BEND6: variants seen among roughly 807,000 people sequenced by gnomAD.
BEND6 encodes the protein BEN domain-containing protein 6.
Under a neutral mutation model 31.8 loss-of-function variants are expected in BEND6, and 24 were observed. The ratio of observed to expected loss-of-function variants is 0.75; its 90% confidence interval spans 0.55 to 1.06. The LOEUF (loss-of-function observed/expected upper bound fraction) is 1.06. Among genes scored for constraint, BEND6 ranks in the 50% least tolerant of loss-of-function variants. The pLI is 0.00. For missense variants in BEND6, 294 were observed against 327.4 expected (o/e 0.90, Z 0.79); for synonymous variants, 109 against 114.6 (o/e 0.95, Z 0.31).
intron 6 of BEND6, among the ~76,000 whole-genome samples, chr6:57,019,162 T>C (rs532933356): frequency 6.6e-6 from 1 of 152,336 alleles, no homozygotes; most frequent in African/African-American, 2.4e-5. Context: ...CCAAGATGCA[T>C]GTCCTATACT....
At chr6:56,956,189 A>G (rs1326648389) in intron 1 of BEND6, among the ~76,000 whole-genome samples, 1 of 152,266 alleles carries the variant, frequency 6.6e-6, no homozygotes, top group African/African-American at 2.4e-5. Context: ...TGACAAGGTA[A>G]CACTTGACTG....
intron 3 of BEND6, among the ~76,000 whole-genome samples, chr6:57,003,560 A>G (rs1160371625): frequency 6.6e-6 from 1 of 152,126 alleles, no homozygotes; most frequent in Non-Finnish European, 1.5e-5. Context: ...CAATCAAAAA[A>G]AACCCAGACC....
intron 6 of BEND6, among the ~76,000 whole-genome samples, chr6:57,021,990 A>G (rs1398670037): frequency 2.0e-5 from 3 of 151,998 alleles, no homozygotes; most frequent in Non-Finnish European, 2.9e-5. Flanking sequence ...TCGTTGTTGA[A>G]TTTGGTTTGC....
At chr6:57,001,299 G>C (rs1484423121) in intron 3 of BEND6, among the ~76,000 whole-genome samples, 2 of 151,722 alleles carry the variant, frequency 1.3e-5, no homozygotes, top group Non-Finnish European at 2.9e-5. Context: ...AAGTAACCGA[G>C]ACTACAAGCA....
At position 57,015,320 on chromosome 6, in the gene BEND6, G is replaced by C. The variant is rs1401115880; in HGVS notation, c.486G>C (p.Lys162Asn). The change falls in exon 4 of 7, where the codon AAG (lysine) becomes AAC (asparagine). Residue 162 changes from lysine to asparagine, a missense_variant. Transcript: ENST00000370746. ...ACTCCAGTTCACCAGTTTCCTTAAA[G>C]CCTGAGGAAGAGCATCAGACTGATG... ...NSNSSSPVSL[K>N]PEEEHQTDEK... is the part of the protein sequence containing the mutation. 2 of 1,614,024 alleles carry C rather than the reference G, an allele frequency of 1.2e-6. No individual in the cohort carries two copies. Among genetic ancestry groups the C allele is most frequent in the Non-Finnish European group, 1.7e-6 (2 of 1,179,938 alleles).
intron 1 of BEND6, among the ~76,000 whole-genome samples, chr6:56,975,363 A>C (rs140465128): frequency 5.4e-4 from 83 of 152,360 alleles, no homozygotes; most frequent in African/African-American, 1.9e-3. Flanking sequence ...AATGCCTCTC[A>C]ACATCGTTAG....
At chr6:57,004,112 G>A (rs1827058279) in intron 3 of BEND6, among the ~76,000 whole-genome samples, 1 of 152,030 alleles carries the variant, frequency 6.6e-6, no homozygotes, top group South Asian at 2.1e-4. Flanking sequence ...CTCGAGAACT[G>A]GGACAAGACA....
chr6:56,982,029 T>G, intron 2 of BEND6, 99 bp downstream of exon 2: 1 of 1,256,840 alleles, frequency 8.0e-7, no homozygotes, highest in Non-Finnish European at 1.1e-6. Flanking sequence ...TCTTCTATTA[T>G]TTAATTCTTT....
At chr6:57,009,803 A>G (rs1216984177) in intron 3 of BEND6, 2 of 152,226 alleles carry the variant, frequency 1.3e-5, no homozygotes, top group Non-Finnish European at 2.9e-5. Flanking sequence ...GCATGAGTTC[A>G]CAGTGGTATT....
chr6:56,983,386 T>C (rs929870680), intron 2 of BEND6, among the ~76,000 whole-genome samples: 1 of 152,214 alleles, frequency 6.6e-6, no homozygotes. Context: ...GTGTGCTACG[T>C]TAGATCTCTA....
intron 3 of BEND6, among the ~76,000 whole-genome samples, chr6:57,000,132 G>A (rs1359148106): frequency 7.9e-5 from 12 of 152,114 alleles, no homozygotes; most frequent in Non-Finnish European, 1.5e-4. Context: ...GATGATGGCG[G>A]TTTTGTCGAA....
At chr6:56,987,760 A>C (rs1259375146) in intron 2 of BEND6, among the ~76,000 whole-genome samples, 1 of 152,084 alleles carries the variant, frequency 6.6e-6, no homozygotes, top group African/African-American at 2.4e-5. Context: ...TCTCAGGTTA[A>C]TTCTTTAAAA....
chr6:56,995,501 T>A (rs1826673020), intron 3 of BEND6, among the ~76,000 whole-genome samples: 1 of 152,228 alleles, frequency 6.6e-6, no homozygotes, highest in African/African-American at 2.4e-5. Context: ...AAATTTATTC[T>A]GTCACCTGTC....
At chr6:57,008,347 A>C in intron 3 of BEND6, 1 of 641,312 alleles carries the variant, frequency 1.6e-6, no homozygotes, top group South Asian at 1.8e-5. Flanking sequence ...GCTACTACTG[A>C]TCATGTTTCA....
intron 1 of BEND6, chr6:56,976,127 A>C (rs1825864347): frequency 4.0e-6 from 1 of 247,408 alleles, no homozygotes; most frequent in Non-Finnish European, 8.1e-6. Context: ...ACAATTATTT[A>C]ATTTATTTTT....
intron 2 of BEND6, among the ~76,000 whole-genome samples, chr6:56,990,870 G>A (rs141527025): frequency 9.8e-4 from 149 of 152,206 alleles, no homozygotes; most frequent in African/African-American, 2.3e-3. Context: ...AAGCTCCAGC[G>A]TTTACTGGAT....
intron 6 of BEND6, among the ~76,000 whole-genome samples, chr6:57,019,160 C>G (rs984762112): frequency 1.3e-5 from 2 of 152,138 alleles, no homozygotes; most frequent in African/African-American, 4.8e-5. Flanking sequence ...TACCAAGATG[C>G]ATGTCCTATA....
At chr6:57,000,920 A>G (rs959635356) in intron 3 of BEND6, among the ~76,000 whole-genome samples, 20 of 151,368 alleles carry the variant, frequency 1.3e-4, no homozygotes, top group Admixed American at 1.1e-3. Flanking sequence ...ATAGACCTAT[A>G]GAAATGAAGC....
At chr6:56,981,628 T>C (rs927573430) in intron 1 of BEND6, 83 bp from the exon 2 acceptor site, 3 of 509,042 alleles carry the variant, frequency 5.9e-6, no homozygotes, top group Non-Finnish European at 1.0e-5. Context: ...TTAATAAAAC[T>C]GGTTTATCTG....
Sources: allele counts gnomAD v4.1 joint callset (sites outside exome capture counted in the v4.1 genomes callset), GRCh38; gene constraint gnomAD v4.1.1; transcripts MANE v1.5; gene names NCBI Gene and HGNC (gene_info 2026-07-23, HGNC 2026-07-21).